KLHL14: variants seen among roughly 807,000 people sequenced by gnomAD.
KLHL14 encodes the protein kelch-like protein 14.
Under a neutral mutation model 64.3 loss-of-function variants are expected in KLHL14, and 22 were observed. The observed-to-expected ratio is 0.34, with a 90% CI of 0.24 to 0.49. The LOEUF is 0.49. Among genes scored for constraint, KLHL14 ranks in the 20% least tolerant of loss-of-function variants. The pLI is 0.99. For synonymous variants in KLHL14, 322 were observed against 333.4 expected (o/e 0.97, Z 0.37); for missense variants, 661 against 789.0 (o/e 0.84, Z 1.94).
At chr18:32,748,078 T>G (rs562690630) in intron 2 of KLHL14, among the ~76,000 whole-genome samples, 1 of 152,350 alleles carries the variant, frequency 6.6e-6, no homozygotes, top group East Asian at 1.9e-4. Context: ...AGTGGGGACA[T>G]CTATGGAAGC....
intron 1 of KLHL14, chr18:32,772,075 C>T (rs984618387): frequency 3.6e-6 from 1 of 274,238 alleles, no homozygotes; most frequent in African/African-American, 2.4e-5. Flanking sequence ...AAGGGACCCT[C>T]TGCTTGCATC....
At chr18:32,727,769 G>A (rs1014089377) in intron 3 of KLHL14, among the ~76,000 whole-genome samples, 1 of 152,168 alleles carries the variant, frequency 6.6e-6, no homozygotes, top group Non-Finnish European at 1.5e-5. Context: ...GTAATGAAAA[G>A]CTTCAAACAA....
chr18:32,705,577 G>C lies in KLHL14; in HGVS notation c.1070-10025C>G, dbSNP rs150420005. Among the ~76,000 whole-genome samples the C allele has an allele frequency of 3.2e-4, 48 of 152,014 alleles. No homozygotes were observed. In the East Asian group the frequency reaches 9.1e-3, roughly 29 times the overall value. On this transcript the variant is annotated intron_variant, in intron 3 of 8. Coordinates refer to ENST00000359358, the MANE Select transcript of KLHL14 (RefSeq NM_020805.3). ...ATCTCTACTAAAAATACAAAAAGTA[G>C]CTGGATGTGGTGGCTCATGCCTGTA...
At chr18:32,746,320 G>A (rs1263113120) in intron 2 of KLHL14, among the ~76,000 whole-genome samples, 1 of 152,206 alleles carries the variant, frequency 6.6e-6, no homozygotes, top group Non-Finnish European at 1.5e-5. Flanking sequence ...GAATCTGAAG[G>A]TCTCCTTTGT....
chr18:32,769,157 C>T (rs370378096), intron 2 of KLHL14, among the ~76,000 whole-genome samples: 7 of 152,140 alleles, frequency 4.6e-5, no homozygotes, highest in African/African-American at 1.4e-4. Context: ...ACGGCAAGAC[C>T]ATGAAAGCCT....
intron 3 of KLHL14, among the ~76,000 whole-genome samples, chr18:32,725,310 G>A (rs1407086544): frequency 1.2e-4 from 18 of 152,168 alleles, no homozygotes; most frequent in Admixed American, 1.2e-3. Context: ...AATTACAGGT[G>A]TAAGCCACCA....
chr18:32,733,865 G>A (rs909371309), intron 3 of KLHL14: 65 of 326,350 alleles, frequency 2.0e-4, no homozygotes, highest in African/African-American at 1.1e-3. Context: ...AAATTGCTAC[G>A]GTCTTTCCAA....
chr18:32,709,829 T>C (rs527885691), intron 3 of KLHL14, among the ~76,000 whole-genome samples: 2 of 152,312 alleles, frequency 1.3e-5, no homozygotes, highest in African/African-American at 4.8e-5. Flanking sequence ...CAAAATAGTT[T>C]AAAGTGATAT....
intron 2 of KLHL14, among the ~76,000 whole-genome samples, chr18:32,742,409 A>T (rs1360021999): frequency 6.6e-6 from 1 of 152,174 alleles, no homozygotes. Context: ...GCATGTCAAA[A>T]ATCGTATTAG....
chr18:32,742,315 A>G (rs2050203250), intron 2 of KLHL14, among the ~76,000 whole-genome samples: 1 of 152,060 alleles, frequency 6.6e-6, no homozygotes, highest in African/African-American at 2.4e-5. Flanking sequence ...CCTTTTTCTT[A>G]TATTATCCCT....
chr18:32,719,670 G>A (rs923011253), intron 3 of KLHL14, among the ~76,000 whole-genome samples: 1 of 152,208 alleles, frequency 6.6e-6, no homozygotes, highest in Admixed American at 6.5e-5. Flanking sequence ...GCTTGACACA[G>A]TGGCTAAAAG....
chr18:32,692,821 T>C (rs2049914357), intron 4 of KLHL14, among the ~76,000 whole-genome samples: 1 of 152,222 alleles, frequency 6.6e-6, no homozygotes, highest in Non-Finnish European at 1.5e-5. Context: ...TCTTCAGGCT[T>C]AGTCTTCTCA....
At chr18:32,759,707 C>T (rs2050303941) in intron 2 of KLHL14, among the ~76,000 whole-genome samples, 1 of 151,922 alleles carries the variant, frequency 6.6e-6, no homozygotes, top group Non-Finnish European at 1.5e-5. Context: ...TTCTCTCTCT[C>T]TCTCTCTCTC....
At chr18:32,702,374 T>A (rs1177576484) in intron 3 of KLHL14, among the ~76,000 whole-genome samples, 10 of 151,458 alleles carry the variant, frequency 6.6e-5, no homozygotes, top group South Asian at 6.2e-4. Flanking sequence ...GTCTTCAATT[T>A]TATAGTAAAT....
chr18:32,741,211 T>A (rs558962259), intron 3 of KLHL14, among the ~76,000 whole-genome samples: 1 of 152,334 alleles, frequency 6.6e-6, no homozygotes, highest in East Asian at 1.9e-4. Flanking sequence ...GCACACAGCC[T>A]GCTGCACTCA....
rs34896902 is a variant in KLHL14, at chr18:32,748,652, CTT to C, written c.948-6605_948-6604del. ...TACAGGCGTGAGCCACCGCACCAGG[CTT>C]TTTTTTTTTTTTTTTAGTAGAGACA... On this transcript the variant is annotated intron_variant, in intron 2 of 8. Coordinates refer to ENST00000359358, the MANE Select transcript of KLHL14 (RefSeq NM_020805.3). Among the ~76,000 whole-genome samples, 447 of 132,994 alleles carry C rather than the reference CTT, an allele frequency of 3.4e-3. 1 individual carries two copies. Among genetic ancestry groups the C allele is most frequent in the East Asian group, 8.3e-3 (37 of 4,480 alleles). The allele number at this position is 132,994 out of a possible 152,430, so 87.2% of individuals were successfully genotyped here. A position where few individuals can be genotyped will look rare whatever the true frequency, so the allele number is the denominator to read the frequency against.
At position 32,770,632 on chromosome 18, in the gene KLHL14, A is replaced by C. The variant is rs758264819; in HGVS notation, c.-41T>G. On this transcript the variant is annotated splice_region_variant and 5_prime_UTR_variant, in exon 2 of 9. Coordinates refer to ENST00000359358, the MANE Select transcript of KLHL14 (RefSeq NM_020805.3). The surrounding 1 kb of genome is among the most constrained non-coding windows in gnomAD (Gnocchi z 6.7). Reference sequence around the variant, plus strand: ...TGCACCTGGCTTTAAACCCTCCTCCAACCTGGCAGACAGGGGTGGGGGATG... The same window carrying C: ...TGCACCTGGCTTTAAACCCTCCTCCCACCTGGCAGACAGGGGTGGGGGATG... 8.2e-7 allele frequency: 1 copy of C among 1,218,548 alleles called. No homozygotes were observed. Among genetic ancestry groups the C allele is most frequent in the South Asian group, 1.5e-5 (1 of 68,348 alleles). 75.5% of individuals were successfully genotyped at this position (1,218,548 alleles called of 1,614,324 possible).
intron 3 of KLHL14, among the ~76,000 whole-genome samples, chr18:32,730,137 TTA>T (rs1366701912): frequency 6.6e-6 from 1 of 152,256 alleles, no homozygotes; most frequent in Non-Finnish European, 1.5e-5. Context: ...AGAAACTGGC[TTA>T]TATCTAATGA....
chr18:32,733,309 T>C (rs2050145874), intron 3 of KLHL14, among the ~76,000 whole-genome samples: 1 of 151,718 alleles, frequency 6.6e-6, no homozygotes, highest in African/African-American at 2.4e-5. Flanking sequence ...TGAAGTCTTA[T>C]AGACACAGAA....
Sources: gnomAD v4.1 joint callset for allele counts (sites outside exome capture counted in the v4.1 genomes callset) on GRCh38, gnomAD v4.1.1 for gene constraint, Gnocchi (gnomAD v3.1) non-coding constraint, MANE v1.5 for transcripts, NCBI Gene and HGNC (gene_info 2026-07-23, HGNC 2026-07-21) for gene names.